Variants in KATNA1 observed in about 807,000 individuals in gnomAD.
The protein encoded by KATNA1 is katanin catalytic subunit A1.
Under a neutral mutation model 62.6 loss-of-function variants are expected in KATNA1, and 42 were observed. The observed-to-expected ratio is 0.67, with a 90% CI of 0.52 to 0.87. The LOEUF (loss-of-function observed/expected upper bound fraction) is 0.87. Among genes scored for constraint, KATNA1 ranks in the 40% least tolerant of loss-of-function variants. The pLI, the probability that KATNA1 is intolerant of heterozygous loss-of-function variation, is 0.00. For missense variants in KATNA1, 498 were observed against 612.5 expected, an observed-to-expected ratio of 0.81 and a Z score of 1.97; for synonymous variants, 186 against 201.9, an observed-to-expected ratio of 0.92 and a Z score of 0.67.
intron 1 of KATNA1, among the ~76,000 whole-genome samples, chr6:149,640,549 T>G (rs929644885): frequency 4.6e-5 from 7 of 151,094 alleles, no homozygotes; most frequent in African/African-American, 1.7e-4. Context: ...TTTTTTTGGG[T>G]TTTGTTTTTG....
intron 1 of KATNA1, among the ~76,000 whole-genome samples, chr6:149,639,323 C>T (rs180748372): frequency 4.0e-5 from 6 of 151,156 alleles, no homozygotes; most frequent in East Asian, 2.0e-4. Context: ...AAAACAGGCC[C>T]GGTGCGGTGG....
At chr6:149,644,048 G>T (rs1780388872) in intron 1 of KATNA1, among the ~76,000 whole-genome samples, 1 of 151,898 alleles carries the variant, frequency 6.6e-6, no homozygotes, top group South Asian at 2.1e-4. Flanking sequence ...CCTCAGCATG[G>T]TCACATTCTT....
chr6:149,645,379 G>A (rs1027882728), intron 1 of KATNA1, among the ~76,000 whole-genome samples: 2 of 151,424 alleles, frequency 1.3e-5, no homozygotes, highest in Non-Finnish European at 2.9e-5. Flanking sequence ...GAGGCAGAGC[G>A]TGCAAGTGAG....
chr6:149,603,439 A>T lies in KATNA1; in HGVS notation c.624-66T>A, dbSNP rs1348967829. 11 of 727,242 alleles carry T rather than the reference A, an allele frequency of 1.5e-5. No homozygotes were observed. In the East Asian group the frequency reaches 3.0e-4, roughly 20 times the overall value. The allele number at this position is 727,242 out of a possible 1,614,324, so 45.0% of individuals were successfully genotyped here. A position where few individuals can be genotyped will look rare whatever the true frequency, so the allele number is the denominator to read the frequency against. On this transcript the variant is annotated intron_variant, in intron 5 of 10. Transcript: ENST00000367411. ...ACATGTCTATGCAGTCACTCTTGAGAACCACTGGAAGCACATGATGTTGCA... is the reference window on the plus strand; with the variant it reads ...ACATGTCTATGCAGTCACTCTTGAGTACCACTGGAAGCACATGATGTTGCA...
intron 4 of KATNA1, among the ~76,000 whole-genome samples, chr6:149,610,377 A>G (rs1034522615): frequency 3.3e-5 from 5 of 152,090 alleles, no homozygotes; most frequent in African/African-American, 9.7e-5. Context: ...TTTATAGAAA[A>G]TTCCACCTAA....
intron 4 of KATNA1, among the ~76,000 whole-genome samples, chr6:149,619,175 G>C (rs59381444): frequency 6.6e-6 from 1 of 151,968 alleles, no homozygotes; most frequent in African/African-American, 2.4e-5. Flanking sequence ...AAATGAATTG[G>C]AATAGACATC....
At chr6:149,624,413 T>C (rs568124420) in intron 3 of KATNA1, among the ~76,000 whole-genome samples, 2 of 152,244 alleles carry the variant, frequency 1.3e-5, no homozygotes, top group East Asian at 3.9e-4. Flanking sequence ...TATGTATTTA[T>C]TTTTTATTAT....
rs578240600 is a variant in KATNA1 at position 149,619,723 on chromosome 6, A to G, written c.501+3380T>C. Among the ~76,000 whole-genome samples the G allele has an allele frequency of 6.6e-5, 10 of 152,300 alleles. No homozygotes were observed. The East Asian group carries it at 1.9e-3, about 29-fold the overall frequency. On this transcript the variant is annotated intron_variant, in intron 4 of 10. Transcript: ENST00000367411. ...GATATAGCCACTATGAACAGTATGGAGGTTCCTCATGGGAGGAATAGGATT... is the reference window on the plus strand; with the variant it reads ...GATATAGCCACTATGAACAGTATGGGGGTTCCTCATGGGAGGAATAGGATT...
In KATNA1 at chr6:149,594,928, AT is replaced by A; in HGVS notation, c.*107del. On this transcript the variant is annotated 3_prime_UTR_variant, in exon 11 of 11. Transcript: ENST00000367411. ...GAATCATAAGGGTTTTTTTAAAAAA[AT>A]CTTACCATTATGAAAGTTAAAAAAA... 8 of 849,388 alleles carry A rather than the reference AT, an allele frequency of 9.4e-6. No homozygotes were observed. The highest frequency in any genetic ancestry group is 1.7e-5 in the African/African-American group (1 of 58,000). 52.6% of individuals were successfully genotyped at this position (849,388 alleles called of 1,614,324 possible).
upstream of KATNA1, chr6:149,648,879 G>GT (rs1396532064): frequency 6.6e-6 from 1 of 152,088 alleles, no homozygotes; most frequent in Non-Finnish European, 1.5e-5. Context: ...TGGTATTATG[G>GT]TACTACCTCG....
At position 149,640,709 on chromosome 6, in the gene KATNA1, C is replaced by T. The variant is rs563108077; in HGVS notation, c.-13-2149G>A. Among the ~76,000 whole-genome samples the T allele has an allele frequency of 1.6e-3, 249 of 151,866 alleles. 2 individuals carry two copies. Among genetic ancestry groups the T allele is most frequent in the African/African-American group, 5.5e-3 (228 of 41,420 alleles). ...ACTACAGCCATGCATCCACCACGCC[C>T]GGCTAAATTTTTGTATTTTAGTAGA... On this transcript the variant is annotated intron_variant, in intron 1 of 10. Coordinates refer to ENST00000367411, the MANE Select transcript of KATNA1 (RefSeq NM_007044.4).
chr6:149,639,719 C>T (rs188344731), intron 1 of KATNA1, among the ~76,000 whole-genome samples: 1 of 152,204 alleles, frequency 6.6e-6, no homozygotes, highest in Non-Finnish European at 1.5e-5. Context: ...TGTCTACCCC[C>T]TGAACTCCTC....
chr6:149,627,507 G>A (rs1779659561), intron 3 of KATNA1, among the ~76,000 whole-genome samples: 1 of 138,400 alleles, frequency 7.2e-6, no homozygotes, highest in African/African-American at 2.8e-5. Context: ...CAGCCTGGAC[G>A]ACAGAGTGAG....
At chr6:149,620,063 T>A (rs1162321800) in intron 4 of KATNA1, among the ~76,000 whole-genome samples, 1 of 152,144 alleles carries the variant, frequency 6.6e-6, no homozygotes, top group East Asian at 1.9e-4. Context: ...TTGGAGGATA[T>A]CATGTTCAGA....
intron 10 of KATNA1, 43 bp from the exon 11 acceptor site, chr6:149,595,277 CT>C: frequency 6.5e-7 from 1 of 1,539,534 alleles, no homozygotes. Context: ...CACAATGTTA[CT>C]TTGGTTAAAT....
intron 4 of KATNA1, among the ~76,000 whole-genome samples, chr6:149,616,820 A>C (rs1779185209): frequency 6.6e-6 from 1 of 152,182 alleles, no homozygotes. Context: ...ATATCCAAAA[A>C]TCTTAAAAGC....
chr6:149,619,335 G>A (rs1779305768), intron 4 of KATNA1, among the ~76,000 whole-genome samples: 1 of 152,128 alleles, frequency 6.6e-6, no homozygotes, highest in Non-Finnish European at 1.5e-5. Flanking sequence ...AAAAACTGCT[G>A]GGCGTGGTGG....
At chr6:149,630,856 C>T (rs1412536703) in intron 3 of KATNA1, among the ~76,000 whole-genome samples, 1 of 152,060 alleles carries the variant, frequency 6.6e-6, no homozygotes, top group Non-Finnish European at 1.5e-5. Flanking sequence ...GTTAGGACTG[C>T]TACAGCAGAG....
chr6:149,646,381 C>T (rs1449903746), intron 1 of KATNA1, among the ~76,000 whole-genome samples: 2 of 152,110 alleles, frequency 1.3e-5, no homozygotes, highest in Non-Finnish European at 2.9e-5. Context: ...AAAAAGATCA[C>T]GAAGCCCAAT....
Sources: gnomAD v4.1 joint callset for allele counts (sites outside exome capture counted in the v4.1 genomes callset) on GRCh38, gnomAD v4.1.1 for gene constraint, MANE v1.5 for transcripts, NCBI Gene and HGNC (gene_info 2026-07-23, HGNC 2026-07-21) for gene names.